Variants in DMD observed in about 807,000 individuals in gnomAD.
The protein encoded by DMD is dystrophin, also known as mutant dystrophin.
DMD carries 63 observed loss-of-function variants against 330.1 expected under a neutral mutation model. The observed-to-expected ratio is 0.19, with a 90% CI of 0.16 to 0.24. DMD has a LOEUF of 0.24. Ranked by LOEUF, DMD falls within the 10% of genes least tolerant of loss-of-function variation. DMD has a pLI of 1.00. For missense variants in DMD, 3,344 were observed against 2,684.1 expected, an observed-to-expected ratio of 1.25 and a Z score of -5.43; for synonymous variants, 1,223 against 959.8, an observed-to-expected ratio of 1.27 and a Z score of -5.07.
At chrX:33,107,129 TG>T (rs1446051970) in intron 1 of DMD, among the ~76,000 whole-genome samples, 2 of 111,661 alleles carry the variant, frequency 1.8e-5, no homozygotes, top group Non-Finnish European at 3.8e-5. Context: ...CTGGCCAACA[TG>T]GTGAAACCCC....
At position 32,013,278 on chromosome X, in the gene DMD, A is replaced by C. The variant is rs1035907525; in HGVS notation, c.6439-44764T>G. On this transcript the variant is annotated intron_variant, in intron 44 of 78. Coordinates refer to ENST00000357033, the MANE Select transcript of DMD (RefSeq NM_004006.3). ...ATTTTTGTATATTTAGTAGAGATAGAGTTTCACCATGTTGGCCAGGATGGT... is the reference window on the plus strand; with the variant it reads ...ATTTTTGTATATTTAGTAGAGATAGCGTTTCACCATGTTGGCCAGGATGGT... Among the ~76,000 whole-genome samples the C allele has an allele frequency of 1.2e-4, 13 of 108,471 alleles. No individual in the cohort carries two copies. In the Admixed American group the frequency reaches 1.3e-3, roughly 11 times the overall value. The allele number at this position is 108,471 out of a possible 115,157, so 94.2% of individuals were successfully genotyped here. A position where few individuals can be genotyped will look rare whatever the true frequency, so the allele number is the denominator to read the frequency against.
At chrX:33,044,951 CAT>C (rs1056826340) in intron 1 of DMD, among the ~76,000 whole-genome samples, 1 of 111,041 alleles carries the variant, frequency 9.0e-6, no homozygotes, top group Non-Finnish European at 1.9e-5. Flanking sequence ...TAAAATATTT[CAT>C]AAGTTGTACT....
At chrX:32,431,311 T>G (rs913179530) in intron 29 of DMD, among the ~76,000 whole-genome samples, 7 of 111,655 alleles carry the variant, frequency 6.3e-5, no homozygotes, top group African/African-American at 2.3e-4. Context: ...TACATAGCCC[T>G]GATGATTAAT....
chrX:33,147,207 A>C (rs916103089), intron 1 of DMD, among the ~76,000 whole-genome samples: 5 of 112,133 alleles, frequency 4.5e-5, no homozygotes, highest in African/African-American at 1.6e-4. Context: ...GTGGTCTCAC[A>C]TACAAACCAG....
chrX:32,379,184 G>T (rs779524016), intron 34 of DMD, among the ~76,000 whole-genome samples: 15 of 108,862 alleles, frequency 1.4e-4, no homozygotes, highest in Non-Finnish European at 2.9e-4. Flanking sequence ...TATAAAGAAA[G>T]AAAATAAATG....
At chrX:33,112,333 C>T (rs1569555269) in intron 1 of DMD, among the ~76,000 whole-genome samples, 1 of 111,110 alleles carries the variant, frequency 9.0e-6, no homozygotes, top group African/African-American at 3.3e-5. Flanking sequence ...TTCAGGCATC[C>T]ACCAGGGGTC....
At chrX:31,483,259 G>A (rs184969157) in intron 57 of DMD, among the ~76,000 whole-genome samples, 2 of 108,764 alleles carry the variant, frequency 1.8e-5, no homozygotes, top group Non-Finnish European at 3.8e-5. Flanking sequence ...TGTTAGCCAG[G>A]ATGGTCTCCA....
chrX:31,688,310 A>G (rs2082838626), intron 52 of DMD, among the ~76,000 whole-genome samples: 1 of 111,343 alleles, frequency 9.0e-6, no homozygotes, highest in African/African-American at 3.3e-5. Flanking sequence ...CCACAGAAAT[A>G]CAAACTACCA....
intron 50 of DMD, among the ~76,000 whole-genome samples, chrX:31,808,446 A>G (rs2092359082): frequency 8.9e-6 from 1 of 111,917 alleles, no homozygotes; most frequent in Non-Finnish European, 1.9e-5. Flanking sequence ...GGCTTATTAT[A>G]TTCACATTCA....
chrX:32,355,119 A>AC (rs755434789), intron 37 of DMD, among the ~76,000 whole-genome samples: 1 of 110,944 alleles, frequency 9.0e-6, no homozygotes, highest in Non-Finnish European at 1.9e-5. Context: ...CCTCCCTACC[A>AC]CCTTTTGTTC....
At chrX:31,717,903 A>C (rs1351049638) in intron 52 of DMD, among the ~76,000 whole-genome samples, 2 of 111,690 alleles carry the variant, frequency 1.8e-5, no homozygotes, top group African/African-American at 6.5e-5. Flanking sequence ...TTTTTCTGAG[A>C]GCCAGCTGTG....
At chrX:32,509,951 G>A (rs1198916759) in intron 18 of DMD, among the ~76,000 whole-genome samples, 3 of 111,508 alleles carry the variant, frequency 2.7e-5, no homozygotes, top group Non-Finnish European at 5.6e-5. Flanking sequence ...AACATAGCCA[G>A]AAAGTGAGTT....
chrX:32,155,184 C>T (rs760691581), intron 44 of DMD, among the ~76,000 whole-genome samples: 13 of 110,339 alleles, frequency 1.2e-4, no homozygotes, highest in Admixed American at 1.1e-3. Flanking sequence ...CTAGCTATTA[C>T]AATACCACTT....
chrX:31,790,099 A>T (rs2149308434), intron 50 of DMD, among the ~76,000 whole-genome samples: 1 of 112,190 alleles, frequency 8.9e-6, no homozygotes, highest in East Asian at 2.8e-4. Context: ...TCTACTTAAA[A>T]ATTGTTAATC....
chrX:32,396,661 T>G (rs1305766240), intron 30 of DMD, among the ~76,000 whole-genome samples: 1 of 111,294 alleles, frequency 9.0e-6, no homozygotes, highest in Non-Finnish European at 1.9e-5. Context: ...AAAAAGGCTA[T>G]CAAATATACT....
chrX:32,777,284 G>GGGGGGGGTT (rs1478457391), intron 7 of DMD, among the ~76,000 whole-genome samples: 1 of 58,478 alleles, frequency 1.7e-5, no homozygotes, highest in Non-Finnish European at 3.2e-5. Context: ...GGTTGGGGGG[G>GGGGGGGGTT]GAATCCTACC....
At chrX:31,516,426 T>C (rs764596545) in intron 55 of DMD, among the ~76,000 whole-genome samples, 41 of 111,251 alleles carry the variant, frequency 3.7e-4, no homozygotes, top group African/African-American at 1.0e-3. Context: ...GAAAATGCAG[T>C]TGGATACAGA....
Position 33,041,471 on chromosome X carries a change from A to G in DMD, c.32-21271T>C, listed in dbSNP as rs2094300202. The stretch of plus-strand genomic sequence containing the variant: ...CGGTTGGTCAAATAAAAAGTGATGT[A>G]TGAAAAAGAGGCAAAACAACAAGAA... On this transcript the variant is annotated intron_variant, in intron 1 of 78. Coordinates refer to ENST00000357033, the MANE Select transcript of DMD (RefSeq NM_004006.3). 3.3e-6 allele frequency: 4 copies of G among 1,205,655 alleles called. No individual in the cohort carries two copies. The East Asian group carries it at 1.2e-4, about 36-fold the overall frequency.
chrX:31,794,613 C>A (rs2091737186), intron 50 of DMD, among the ~76,000 whole-genome samples: 2 of 111,481 alleles, frequency 1.8e-5, no homozygotes, highest in African/African-American at 6.5e-5. Flanking sequence ...CTGAGATAAT[C>A]TCTTTTTATT....
Sources: allele counts gnomAD v4.1 joint callset (sites outside exome capture counted in the v4.1 genomes callset), GRCh38; gene constraint gnomAD v4.1.1; transcripts MANE v1.5; gene names NCBI Gene and HGNC (gene_info 2026-07-23, HGNC 2026-07-21).